Variants in ARHGAP4 observed in about 807,000 individuals in gnomAD.
ARHGAP4 encodes rho GTPase-activating protein 4.
ARHGAP4 carries 25 observed loss-of-function variants against 67.6 expected under a neutral mutation model. The ratio of observed to expected loss-of-function variants is 0.37; its 90% CI spans 0.27 to 0.52. ARHGAP4 has a LOEUF of 0.52. Among genes scored for constraint, ARHGAP4 ranks in the 20% least tolerant of loss-of-function variants. ARHGAP4 has a pLI of 0.92. For missense variants in ARHGAP4, 804 were observed against 854.6 expected, an observed-to-expected ratio of 0.94 and a Z score of 0.74; for synonymous variants, 448 against 373.7, an observed-to-expected ratio of 1.20 and a Z score of -2.29.
chrX:153,920,776 C>G lies in ARHGAP4; in HGVS notation c.531G>C (p.Glu177Asp). Residue 177 changes from glutamate (E) to aspartate (D), a missense_variant, in exon 5 of 22, where the codon GAG (glutamate) becomes GAC (aspartate). Physicochemically the swap from Glu to Asp is conservative, Grantham distance 45 (BLOSUM62 2). This residue lies in a region of ARHGAP4 where 404 missense variants were observed against 505.9 expected (regional missense o/e 0.80). Transcript: ENST00000350060. ...GGAGCTTGGCCTCGGCATTCACGCT[C>G]TCCATGTGATATGCCTGGTACGTCT... The part of the protein sequence containing the change: ...AKKTYQAYHM[E>D]SVNAEAKLRE... 8.2e-7 allele frequency: 1 copy of G among 1,212,316 alleles called. No homozygotes were observed. Among genetic ancestry groups the G allele is most frequent in the Non-Finnish European group, 1.1e-6 (1 of 895,647 alleles).
In ARHGAP4 at chrX:153,907,583, G is replaced by A. The variant is rs1557101495; in HGVS notation, c.*146C>T. 4 of 370,139 alleles carry A rather than the reference G, an allele frequency of 1.1e-5. No homozygotes were observed. Among genetic ancestry groups the A allele is most frequent in the Admixed American group, 5.0e-5 (1 of 19,943 alleles). 30.5% of individuals were successfully genotyped at this position (370,139 alleles called of 1,213,427 possible). On this transcript the variant is annotated 3_prime_UTR_variant, in exon 22 of 22. Transcript: ENST00000350060. ...GGATGTGGAGCGGGCATCCCTGTGT[G>A]CACGGCCCCATCCCACCTCTCTGCA...
rs1391237838 is a variant in ARHGAP4, at chrX:153,909,540, G to A, written c.2415-5C>T. The A allele has an allele frequency of 2.5e-5, 30 of 1,199,133 alleles. No homozygotes were observed. Among genetic ancestry groups the A allele is most frequent in the Middle Eastern group, 4.6e-4 (2 of 4,309 alleles). On this transcript the variant is annotated splice_region_variant and splice_polypyrimidine_tract_variant and intron_variant, in intron 19 of 21. Transcript: ENST00000350060. ...CCCACCACCTGCTTCTCCGTCCTGC[G>A]GTGGGAAGGACCGGCCTGTTTCGAG...
intron 3 of ARHGAP4, 55 bp downstream of exon 3, chrX:153,921,310 G>A: frequency 2.5e-6 from 3 of 1,205,610 alleles, no homozygotes; most frequent in Middle Eastern, 4.7e-4. Flanking sequence ...CAGCCACAGT[G>A]CCTCCTGATC....
rs1557103026 is a variant in ARHGAP4 at position 153,910,801 on chromosome X, T to C, written c.1715A>G (p.His572Arg). 1 of 1,190,243 alleles carries C rather than the reference T, an allele frequency of 8.4e-7. No individual in the cohort carries two copies. Among genetic ancestry groups the C allele is most frequent in the Non-Finnish European group, 1.1e-6 (1 of 884,210 alleles). Residue 572 changes from histidine to arginine, a missense_variant, in exon 15 of 22, where the codon CAT becomes CGT. Physicochemically the swap from His to Arg is conservative, Grantham distance 29 (BLOSUM62 0). Around this residue, in one of 2 missense-constraint regions of ARHGAP4, gnomAD observed 400 missense variants for 348.7 expected, o/e 1.15. Coordinates refer to ENST00000350060, the MANE Select transcript of ARHGAP4 (RefSeq NM_001666.5). ...CACCCCGGCCACCGAGTCCAGGTCA[T>C]GGGCAGTGCAGCCCTCCACCAGTGG... The part of the protein sequence containing the change: ...EDPLVEGCTA[H>R]DLDSVAGVLK...
At position 153,911,131 on chromosome X, in the gene ARHGAP4, T is replaced by C. The variant is rs1557103191; in HGVS notation, c.1601A>G (p.Asn534Ser). The C allele has an allele frequency of 2.6e-6, 3 of 1,169,948 alleles. No homozygotes were observed. Among genetic ancestry groups the C allele is most frequent in the Admixed American group, 2.5e-5 (1 of 39,330 alleles). The stretch of plus-strand genomic sequence containing the variant: ...GGGAGGGGCTGGGTCCTGCTTACCA[T>C]TGAGGTTGATGAAGCGAATGCAGCT... Reference protein sequence around the residue: ...VESCIRFINLNGLQHEGIFRV... With the variant: ...VESCIRFINLSGLQHEGIFRV... The change falls in exon 13 of 22, where the codon AAT becomes AGT. Residue 534 changes from asparagine to serine, a missense_variant and splice_region_variant. Physicochemically the swap from Asn to Ser is conservative, Grantham distance 46. Around this residue, in one of 2 missense-constraint regions of ARHGAP4, gnomAD observed 404 missense variants for 505.9 expected, o/e 0.80. Coordinates refer to ENST00000350060, the MANE Select transcript of ARHGAP4 (RefSeq NM_001666.5).
In ARHGAP4 at chrX:153,907,398, T is replaced by G; in HGVS notation, c.*331A>C. The G allele has an allele frequency of 3.5e-6, 1 of 286,656 alleles. No homozygotes were observed. Among genetic ancestry groups the G allele is most frequent in the Non-Finnish European group, 6.3e-6 (1 of 158,668 alleles). 23.6% of individuals were successfully genotyped at this position (286,656 alleles called of 1,213,427 possible). On this transcript the variant is annotated 3_prime_UTR_variant, in exon 22 of 22. Transcript: ENST00000350060. ...CCATCGGGGAATCAACACGAGGTCT[T>G]TATGAATCGCCACCCAGCCCTGCCA...
chrX:153,925,894 A>G (rs782514878), intron 1 of ARHGAP4, among the ~76,000 whole-genome samples: 1 of 113,024 alleles, frequency 8.8e-6, no homozygotes, highest in South Asian at 3.6e-4. Context: ...GAAGCGGTAG[A>G]CCCAAGGAGG....
At chrX:153,915,855 G>C (rs1239149450) in intron 7 of ARHGAP4, among the ~76,000 whole-genome samples, 5 of 111,991 alleles carry the variant, frequency 4.5e-5, no homozygotes, top group Non-Finnish European at 5.6e-5. Context: ...AAACTCACAC[G>C]ATCAGCAGAA....
At position 153,907,926 on chromosome X, in the gene ARHGAP4, G is replaced by A. The variant is rs897012110; in HGVS notation, c.2644C>T (p.Leu882Phe). 1 of 1,080,610 alleles carries A rather than the reference G, an allele frequency of 9.3e-7. No homozygotes were observed. The highest frequency in any genetic ancestry group is 1.2e-6 in the Non-Finnish European group (1 of 828,588). 89.1% of individuals were successfully genotyped at this position (1,080,610 alleles called of 1,213,427 possible). The part of the protein sequence containing the change: ...AQNMDSVFKE[L>F]LGKTSVRQGL... ...TGGCGGACAGAGGTCTTTCCCAAGA[G>A]CTCCTTAAACACAGAGTCCATGTTC... is the stretch of plus-strand genomic sequence containing the variant. The change falls in exon 22 of 22, where the codon CTC becomes TTC. Residue 882 changes from leucine to phenylalanine, a missense_variant. This residue lies in a region of ARHGAP4 where 400 missense variants were observed against 348.7 expected (regional missense o/e 1.15). Transcript: ENST00000350060.
intron 11 of ARHGAP4, 29 bp from the exon 12 acceptor site, chrX:153,912,831 G>C: frequency 8.6e-7 from 1 of 1,168,467 alleles, no homozygotes; most frequent in Non-Finnish European, 1.2e-6. Flanking sequence ...GGCTCTGAGG[G>C]GGCCAGGTGT....
intron 1 of ARHGAP4, 198 bp from the exon 2 acceptor site, chrX:153,922,007 A>T: frequency 1.2e-6 from 1 of 860,112 alleles, no homozygotes; most frequent in Non-Finnish European, 1.6e-6. Context: ...ATCTGGCCTC[A>T]GCTGTCCAGC....
Position 153,909,494 on chromosome X carries a change from C to T in ARHGAP4, c.2456G>A (p.Gly819Glu). Reference protein sequence around the residue: ...QVVGAGLQTAGESGSSPEGLL... With the variant: ...QVVGAGLQTAEESGSSPEGLL... Reference sequence around the variant, plus strand: ...GCCCTCGGGACTGCTCCCAGACTCCCCTGCAGTCTGCAGCCCTGCGCCCAC... The same window carrying T: ...GCCCTCGGGACTGCTCCCAGACTCCTCTGCAGTCTGCAGCCCTGCGCCCAC... The change falls in exon 20 of 22, where the codon GGG becomes GAG. Residue 819 changes from glycine to glutamate, a missense_variant. Transcript: ENST00000350060. 1.7e-6 allele frequency: 2 copies of T among 1,210,308 alleles called. No homozygotes were observed. The highest frequency in any genetic ancestry group is 2.2e-6 in the Non-Finnish European group (2 of 894,858).
chrX:153,910,895 A>ACCCCCCCCCCCCCCCCCCCCCCCC, intron 14 of ARHGAP4, 27 bp downstream of exon 14: 1 of 472,492 alleles, frequency 2.1e-6, no homozygotes, highest in Non-Finnish European at 2.9e-6. Context: ...CCGAGCCCCC[A>ACCCCCCCCCCCCCCCCCCCCCCCC]CCCCCGCCCG....
At position 153,913,485 on chromosome X, in the gene ARHGAP4, G is replaced by A. The variant is rs781939716; in HGVS notation, c.1250C>T (p.Thr417Ile). The part of the protein sequence containing the change: ...TSPSTESLKS[T>I]SSDPGSRQAG... ...CTGCCGGCTGCCTGGGTCTGAGCTG[G>A]TGGACTTGAGGGACTCGGTGGAGGG... The change falls in exon 9 of 22, where the codon ACC (threonine) becomes ATC (isoleucine). Residue 417 changes from threonine (T) to isoleucine (I), a missense_variant. Thr to Ile is a moderately conservative substitution (Grantham distance 89). Transcript: ENST00000350060. 2.5e-6 allele frequency: 3 copies of A among 1,212,125 alleles called. No homozygotes were observed. Among genetic ancestry groups the A allele is most frequent in the South Asian group, 3.5e-5 (2 of 57,032 alleles).
chrX:153,925,710 T>C (rs935603572), intron 1 of ARHGAP4, among the ~76,000 whole-genome samples: 2 of 111,574 alleles, frequency 1.8e-5, no homozygotes, highest in South Asian at 3.7e-4. Flanking sequence ...TGCAGTGGGG[T>C]TACGGCCAGG....
At chrX:153,908,776 C>T (rs1557101929) in intron 21 of ARHGAP4, among the ~76,000 whole-genome samples, 1 of 112,281 alleles carries the variant, frequency 8.9e-6, no homozygotes, top group East Asian at 2.8e-4. Flanking sequence ...CTCAGCCCTG[C>T]CACTCCCTGC....
At chrX:153,924,317 G>A (rs955155784) in intron 1 of ARHGAP4, among the ~76,000 whole-genome samples, 6 of 111,521 alleles carry the variant, frequency 5.4e-5, no homozygotes, top group Non-Finnish European at 9.4e-5. Context: ...GTCCAGATCC[G>A]GGCATGCACA....
intron 7 of ARHGAP4, among the ~76,000 whole-genome samples, chrX:153,916,875 C>T (rs1438322466): frequency 8.9e-6 from 1 of 111,852 alleles, no homozygotes; most frequent in Non-Finnish European, 1.9e-5. Flanking sequence ...GTCAGGAGTT[C>T]GAGACAAGCC....
rs782725498 is a variant in ARHGAP4 at position 153,909,532 on chromosome X, C to T, written c.2418G>A (p.Thr806=). ...PHKYITLPAG[T]EKQVVGAGLQ... ...GCCCTGCGCCCACCACCTGCTTCTC[C>T]GTCCTGCGGTGGGAAGGACCGGCCT... is the stretch of plus-strand genomic sequence containing the variant. The change falls in exon 20 of 22, where the codon ACG becomes ACA. Residue 806 remains threonine, a synonymous_variant. Transcript: ENST00000350060. 17 of 1,204,254 alleles carry T rather than the reference C, an allele frequency of 1.4e-5. No individual in the cohort carries two copies. The highest frequency in any genetic ancestry group is 2.3e-4 in the Middle Eastern group (1 of 4,328).
Sources: allele counts gnomAD v4.1 joint callset (sites outside exome capture counted in the v4.1 genomes callset), GRCh38; gene constraint gnomAD v4.1.1; regional missense constraint gnomAD v4.1.1; transcripts MANE v1.5; gene names NCBI Gene and HGNC (gene_info 2026-07-23, HGNC 2026-07-21).